RAD51B: variants seen among roughly 807,000 people sequenced by gnomAD.
RAD51B encodes the protein DNA repair protein RAD51 homolog 2.
A neutral mutation model predicts 42.2 loss-of-function variants in RAD51B; 38 were observed. The observed-to-expected ratio is 0.90, with a 90% confidence interval of 0.70 to 1.18. RAD51B has a LOEUF of 1.18. RAD51B is among the 50% of genes most tolerant of loss of function. The pLI is 0.00. For synonymous variants in RAD51B, 154 were observed against 145.2 expected (o/e 1.06, Z -0.43); for missense variants, 373 against 400.7 (o/e 0.93, Z 0.59).
At chr14:68,497,253 A>G in intron 10 of RAD51B, 1 of 1,353,780 alleles carries the variant, frequency 7.4e-7, no homozygotes. Flanking sequence ...GTTCTCTGCT[A>G]AAACATTTGG....
chr14:68,604,974 G>A (rs1408049095), intron 10 of RAD51B, among the ~76,000 whole-genome samples: 2 of 152,060 alleles, frequency 1.3e-5, no homozygotes, highest in African/African-American at 2.4e-5. Context: ...TCATATAACT[G>A]CTGGCATCAA....
intron 11 of RAD51B, among the ~76,000 whole-genome samples, chr14:68,671,009 G>A (rs560250323): frequency 6.6e-5 from 10 of 152,182 alleles, no homozygotes; most frequent in South Asian, 6.2e-4. Context: ...AGCTCCTGGC[G>A]TCTGCTGCTG....
At chr14:68,470,120 A>C (rs2086084972) in intron 10 of RAD51B, among the ~76,000 whole-genome samples, 1 of 152,248 alleles carries the variant, frequency 6.6e-6, no homozygotes, top group Non-Finnish European at 1.5e-5. Flanking sequence ...GGATCACTAA[A>C]GGAGGCTGAC....
intron 7 of RAD51B, among the ~76,000 whole-genome samples, chr14:68,206,349 AG>A (rs1230922715): frequency 6.6e-6 from 1 of 152,184 alleles, no homozygotes; most frequent in Non-Finnish European, 1.5e-5. Context: ...CTGAGTAATC[AG>A]TGGGAAACAA....
chr14:68,285,231 C>A (rs2081391302), intron 7 of RAD51B, among the ~76,000 whole-genome samples: 1 of 152,168 alleles, frequency 6.6e-6, no homozygotes, highest in Admixed American at 6.5e-5. Flanking sequence ...CATTCAGTAA[C>A]CCTTAACAGA....
At chr14:68,218,426 A>C (rs2079858365) in intron 7 of RAD51B, among the ~76,000 whole-genome samples, 1 of 152,242 alleles carries the variant, frequency 6.6e-6, no homozygotes, top group African/African-American at 2.4e-5. Flanking sequence ...TTTCATTAAC[A>C]GTTTTTATGG....
intron 7 of RAD51B, among the ~76,000 whole-genome samples, chr14:68,279,054 G>T (rs899306637): frequency 6.6e-6 from 1 of 151,966 alleles, no homozygotes; most frequent in African/African-American, 2.4e-5. Context: ...GTTACTGATT[G>T]ATGGTTCTAC....
intron 4 of RAD51B, among the ~76,000 whole-genome samples, chr14:67,836,132 T>G (rs1047296005): frequency 1.3e-5 from 2 of 152,168 alleles, no homozygotes; most frequent in Admixed American, 1.3e-4. Flanking sequence ...TATTTCTTAG[T>G]TTCTTTGTGA....
intron 10 of RAD51B, among the ~76,000 whole-genome samples, chr14:68,544,740 C>G (rs1888134188): frequency 6.6e-6 from 1 of 152,198 alleles, no homozygotes; most frequent in African/African-American, 2.4e-5. Flanking sequence ...ATGCCCAGTA[C>G]TTTTCTGAGA....
chr14:68,000,657 C>A (rs571018267), intron 7 of RAD51B, among the ~76,000 whole-genome samples: 40 of 151,984 alleles, frequency 2.6e-4, no homozygotes, highest in Middle Eastern at 3.4e-3. Flanking sequence ...TTTATCTGAC[C>A]TTTAGGTCTG....
rs771526545 is a variant in RAD51B at position 68,007,968 on chromosome 14, G to A, written c.756+120764G>A. On this transcript the variant is annotated intron_variant, in intron 7 of 10. Transcript: ENST00000471583. ...CAAATTGGAATGATGACTTTTTTGC[G>A]TATTATATTTTTAAAAATATGATTT... Among the ~76,000 whole-genome samples, 65 of 151,964 alleles carry A rather than the reference G, an allele frequency of 4.3e-4. 1 individual carries two copies. Among genetic ancestry groups the A allele is most frequent in the East Asian group, 3.7e-3 (19 of 5,178 alleles).
At chr14:68,566,522 G>T (rs1889427677) in intron 10 of RAD51B, among the ~76,000 whole-genome samples, 1 of 152,148 alleles carries the variant, frequency 6.6e-6, no homozygotes, top group East Asian at 1.9e-4. Flanking sequence ...TGGTGACCTT[G>T]ATCCAACTGA....
chr14:67,883,304 T>TAAAAAA (rs35677863), intron 5 of RAD51B, among the ~76,000 whole-genome samples: 1 of 139,338 alleles, frequency 7.2e-6, no homozygotes. Flanking sequence ...AAATAAAAGC[T>TAAAAAA]AAAAAAAAAA....
At chr14:68,208,791 A>G (rs2079645573) in intron 7 of RAD51B, among the ~76,000 whole-genome samples, 2 of 152,176 alleles carry the variant, frequency 1.3e-5, no homozygotes, top group Non-Finnish European at 2.9e-5. Context: ...TCTCTATTCA[A>G]CAGTAAAACT....
chr14:68,358,668 A>G (rs1267698703), intron 8 of RAD51B, among the ~76,000 whole-genome samples: 1 of 152,128 alleles, frequency 6.6e-6, no homozygotes, highest in African/African-American at 2.4e-5. Context: ...TATTTCTCCT[A>G]TTATGAAACA....
rs978049083 is a variant in RAD51B, at chr14:68,617,973, C to G, written c.1037-32808C>G. On this transcript the variant is annotated intron_variant, in intron 10 of 11. Transcript: ENST00000488612. ...TGGCCAGAAGCAAAAATCTTAAGAA[C>G]AGGTTTTGATAAAGAAATGATGAAT... 4.0e-5 allele frequency among the ~76,000 whole-genome samples: 6 copies of G among 151,886 alleles called. No individual in the cohort carries two copies. In the East Asian group the frequency reaches 1.2e-3, roughly 29 times the overall value.
intron 4 of RAD51B, among the ~76,000 whole-genome samples, chr14:67,847,546 T>C (rs2041662230): frequency 6.6e-6 from 1 of 152,180 alleles, no homozygotes; most frequent in African/African-American, 2.4e-5. Context: ...ACCCAGGAGT[T>C]ATTCAGGAGC....
chr14:67,999,370 T>C (rs949495555), intron 7 of RAD51B, among the ~76,000 whole-genome samples: 1 of 152,188 alleles, frequency 6.6e-6, no homozygotes, highest in African/African-American at 2.4e-5. Context: ...GAGTGCTATA[T>C]GATACATATT....
chr14:68,671,592 G>A (rs1893159483), intron 11 of RAD51B, among the ~76,000 whole-genome samples: 1 of 152,088 alleles, frequency 6.6e-6, no homozygotes. Flanking sequence ...CCTCTGGGGA[G>A]CATGGAGTTA....
Sources: gnomAD v4.1 joint callset for allele counts (sites outside exome capture counted in the v4.1 genomes callset) on GRCh38, gnomAD v4.1.1 for gene constraint, MANE v1.5 for transcripts, NCBI Gene and HGNC (gene_info 2026-07-23, HGNC 2026-07-21) for gene names.